Variants in TAB2 observed in about 807,000 individuals in gnomAD.
TAB2 encodes the protein TGF-beta-activated kinase 1 and MAP3K7-binding protein 2.
In TAB2, 3 loss-of-function variants were observed where a neutral mutation model predicts 65.0. The ratio of observed to expected loss-of-function variants is 0.05; its 90% CI spans 0.02 to 0.12. The LOEUF is 0.12. Ranked by LOEUF, TAB2 falls within the 10% of genes least tolerant of loss-of-function variation. The pLI is 1.00. For synonymous variants in TAB2, 298 were observed against 285.1 expected (o/e 1.05, Z -0.46); for missense variants, 623 against 840.3 (o/e 0.74, Z 3.20).
At chr6:149,254,597 G>A (rs961323928) in intron 1 of TAB2, among the ~76,000 whole-genome samples, 4 of 152,156 alleles carry the variant, frequency 2.6e-5, no homozygotes, top group Admixed American at 6.5e-5. Flanking sequence ...GCTTCACATG[G>A]CTTTCTGCCT....
chr6:149,349,440 TAGTC>T (rs1283891705), intron 1 of TAB2, among the ~76,000 whole-genome samples: 1 of 141,284 alleles, frequency 7.1e-6, no homozygotes, highest in Non-Finnish European at 1.6e-5. Flanking sequence ...AAAAAAAAGG[TAGTC>T]AAGAAAGAGT....
chr6:149,227,151 A>G, intron 1 of TAB2, among the ~76,000 whole-genome samples: 1 of 152,250 alleles, frequency 6.6e-6, no homozygotes, highest in East Asian at 1.9e-4. Flanking sequence ...AACCTTTAAT[A>G]TTAAAACGAG....
At chr6:149,266,463 A>C (rs568328814) in intron 1 of TAB2, among the ~76,000 whole-genome samples, 1 of 152,330 alleles carries the variant, frequency 6.6e-6, no homozygotes, top group Non-Finnish European at 1.5e-5. Context: ...TTTCGTGCTC[A>C]CTGAGGGGCC....
intron 1 of TAB2, among the ~76,000 whole-genome samples, chr6:149,309,664 TG>T (rs1215112675): frequency 6.6e-6 from 1 of 152,086 alleles, no homozygotes; most frequent in Non-Finnish European, 1.5e-5. Flanking sequence ...CCCAAAGTGC[TG>T]GGATTACAGG....
At chr6:149,253,782 C>T (rs1777909851) in intron 1 of TAB2, among the ~76,000 whole-genome samples, 1 of 150,630 alleles carries the variant, frequency 6.6e-6, no homozygotes. Context: ...ATTAGCTGGG[C>T]TTGGTGGAGC....
intron 1 of TAB2, among the ~76,000 whole-genome samples, chr6:149,340,299 A>T (rs1780074770): frequency 6.6e-6 from 1 of 152,220 alleles, no homozygotes; most frequent in African/African-American, 2.4e-5. Flanking sequence ...AAGAATTCTA[A>T]GAAACTAGAA....
chr6:149,364,620 G>A (rs1358075579), intron 1 of TAB2, among the ~76,000 whole-genome samples: 1 of 151,022 alleles, frequency 6.6e-6, no homozygotes, highest in Non-Finnish European at 1.5e-5. Context: ...CTCCAGCATG[G>A]TATCTCCTGC....
At chr6:149,335,862 A>G (rs1389243478) in intron 1 of TAB2, among the ~76,000 whole-genome samples, 1 of 152,108 alleles carries the variant, frequency 6.6e-6, no homozygotes, top group Admixed American at 6.6e-5. Flanking sequence ...TAGAGATTTT[A>G]TAGAGATTTT....
In TAB2 at chr6:149,382,986, A is replaced by G. The variant is rs538947979; in HGVS notation, c.1603+3468A>G. 2.0e-5 allele frequency among the ~76,000 whole-genome samples: 3 copies of G among 152,026 alleles called. No individual in the cohort carries two copies. The South Asian group carries it at 6.2e-4, about 32-fold the overall frequency. The stretch of plus-strand genomic sequence containing the variant: ...GGCCAACATGGTGAAACAACATGGT[A>G]TCTACTAAAAATACAAAAATTAGCT... On this transcript the variant is annotated intron_variant, in intron 3 of 6. Transcript: ENST00000637181.
intron 1 of TAB2, among the ~76,000 whole-genome samples, chr6:149,288,264 C>T (rs1421278399): frequency 6.6e-6 from 1 of 152,196 alleles, no homozygotes; most frequent in Non-Finnish European, 1.5e-5. Context: ...TAGATGTTAT[C>T]ATGGTTCCCT....
In TAB2 at chr6:149,275,297, A is replaced by AAAGG. The variant is rs1491305195; in HGVS notation, c.-121+56524_-121+56525insGAAG. Among the ~76,000 whole-genome samples, 218 of 141,616 alleles carry AAAGG rather than the reference A, an allele frequency of 1.5e-3. 2 individuals are homozygous for AAAGG. The highest frequency in any genetic ancestry group is 1.1e-3 in the Non-Finnish European group (71 of 63,828). The allele number at this position is 141,616 out of a possible 152,430, so 92.9% of individuals were successfully genotyped here. On this transcript the variant is annotated intron_variant, in intron 1 of 1. Transcript: ENST00000606202. ...GAAAGAAAGAAAGAAAGAAAGAAAG[A>AAAGG]AAGAGAAAAAAGAAAAGAGCACAAT...
intron 1 of TAB2, among the ~76,000 whole-genome samples, chr6:149,302,509 C>T (rs180803853): frequency 1.2e-3 from 182 of 152,244 alleles, no homozygotes; most frequent in Non-Finnish European, 1.9e-3. Flanking sequence ...TGCTGTTCTC[C>T]GAAAATCTGT....
At chr6:149,255,532 GCTT>G (rs1309150959) in intron 1 of TAB2, 22 of 152,168 alleles carry the variant, frequency 1.4e-4, no homozygotes, top group Admixed American at 8.5e-4. Context: ...GCAATTTGCT[GCTT>G]CTTTGTATTT....
intron 3 of TAB2, among the ~76,000 whole-genome samples, chr6:149,386,904 C>T (rs1223381132): frequency 1.3e-5 from 2 of 152,278 alleles, no homozygotes; most frequent in South Asian, 4.1e-4. Flanking sequence ...TGGCCATTTG[C>T]ATATTTTCTT....
intron 1 of TAB2, among the ~76,000 whole-genome samples, chr6:149,330,932 A>T (rs768035795): frequency 1.3e-5 from 2 of 152,162 alleles, no homozygotes; most frequent in African/African-American, 2.4e-5. Flanking sequence ...AGATAGCCGT[A>T]ATTGTGAGGA....
rs192624984 is a variant in TAB2, at chr6:149,364,195, G to A, written c.-89-5714G>A. Among the ~76,000 whole-genome samples, 614 of 152,150 alleles carry A rather than the reference G, an allele frequency of 4.0e-3. 5 individuals are homozygous for A. Among genetic ancestry groups the A allele is most frequent in the Non-Finnish European group, 6.4e-3 (434 of 68,000 alleles). On this transcript the variant is annotated intron_variant, in intron 1 of 6. Transcript: ENST00000637181. The stretch of plus-strand genomic sequence containing the variant: ...TTTACCCTTTTTCCATACAATAGCC[G>A]TTTTTTATACACACATGATTTCTTG...
chr6:149,328,786 G>A (rs1779693337), intron 1 of TAB2, among the ~76,000 whole-genome samples: 1 of 152,078 alleles, frequency 6.6e-6, no homozygotes, highest in South Asian at 2.1e-4. Context: ...AATACTTTAG[G>A]AATCCATAGG....
At chr6:149,325,389 GTCCACT>G (rs770240099) in intron 1 of TAB2, among the ~76,000 whole-genome samples, 6 of 152,250 alleles carry the variant, frequency 3.9e-5, no homozygotes, top group Non-Finnish European at 7.4e-5. Context: ...CAAGGTATCT[GTCCACT>G]TCATTTTTCC....
At chr6:149,220,787 T>G (rs1405534031) in intron 1 of TAB2, 1 of 152,248 alleles carries the variant, frequency 6.6e-6, no homozygotes. Flanking sequence ...CGGCTAATTT[T>G]TGCATTTTTT....
Sources: gnomAD v4.1 joint callset for allele counts (sites outside exome capture counted in the v4.1 genomes callset) on GRCh38, gnomAD v4.1.1 for gene constraint, MANE v1.5 for transcripts, NCBI Gene and HGNC (gene_info 2026-07-23, HGNC 2026-07-21) for gene names.